The following PARD6G variants were observed in gnomAD, a reference collection of about 807,000 sequenced individuals.
PARD6G encodes partitioning defective 6 homolog gamma.
Under a neutral mutation model 10.7 loss-of-function variants are expected in PARD6G, and 7 were observed. The ratio of observed to expected loss-of-function variants is 0.66; its 90% CI spans 0.37 to 1.23. PARD6G has a LOEUF of 1.23. PARD6G is among the 50% of genes most tolerant of loss of function. PARD6G has a pLI of 0.02. For synonymous variants in PARD6G, 287 were observed against 269.4 expected, an observed-to-expected ratio of 1.07 and a Z score of -0.64; for missense variants, 548 against 571.8, an observed-to-expected ratio of 0.96 and a Z score of 0.42.
chr18:80,185,862 T>TCGCA (rs2052872334), intron 2 of PARD6G, among the ~76,000 whole-genome samples: 1 of 80,866 alleles, frequency 1.2e-5, no homozygotes, highest in Non-Finnish European at 2.4e-5. Flanking sequence ...AGGCACCCTC[T>TCGCA]CGCATATACT....
intron 1 of PARD6G, among the ~76,000 whole-genome samples, chr18:80,206,155 G>A (rs1227967510): frequency 6.6e-6 from 1 of 152,144 alleles, no homozygotes; most frequent in African/African-American, 2.4e-5. Context: ...AATAAATTCA[G>A]ACTGTTTCCT....
At chr18:80,187,564 CA>C (rs2052886799) in intron 2 of PARD6G, among the ~76,000 whole-genome samples, 1 of 152,174 alleles carries the variant, frequency 6.6e-6, no homozygotes, top group African/African-American at 2.4e-5. Flanking sequence ...TCACGAGGAA[CA>C]AAGGACACCC....
chr18:80,189,041 T>A lies in PARD6G; in HGVS notation c.295+13669A>T, dbSNP rs753918863. On this transcript the variant is annotated intron_variant, in intron 2 of 2. Transcript: ENST00000353265. The surrounding 1 kb of genome is among the most constrained non-coding windows in gnomAD (Gnocchi z 5.5). Reference sequence around the variant, plus strand: ...GGGCAGAGAACCCAGTTCTAGGGGCTGCCCACGTGTCACTTCCACCCCAGA... The same window carrying A: ...GGGCAGAGAACCCAGTTCTAGGGGCAGCCCACGTGTCACTTCCACCCCAGA... 3.5e-4 allele frequency among the ~76,000 whole-genome samples: 54 copies of A among 152,230 alleles called. No individual in the cohort carries two copies. The highest frequency in any genetic ancestry group is 7.2e-4 in the Non-Finnish European group (49 of 68,042).
chr18:80,172,144 C>T (rs1159430025), intron 2 of PARD6G, among the ~76,000 whole-genome samples: 1 of 152,138 alleles, frequency 6.6e-6, no homozygotes, highest in Admixed American at 6.5e-5. Flanking sequence ...TTTTCTATTC[C>T]CCCCAGCAGT....
At chr18:80,173,830 C>T (rs2145254739) in intron 2 of PARD6G, among the ~76,000 whole-genome samples, 1 of 152,302 alleles carries the variant, frequency 6.6e-6, no homozygotes, top group South Asian at 2.1e-4. Context: ...GGAGCTGCTC[C>T]CCAGCAAGTT....
In PARD6G at chr18:80,191,037, C is replaced by A. The variant is rs143337030; in HGVS notation, c.295+11673G>T. 1.8e-4 allele frequency among the ~76,000 whole-genome samples: 27 copies of A among 152,334 alleles called. No individual in the cohort carries two copies. The East Asian group carries it at 4.8e-3, about 27-fold the overall frequency. ...TCATCCAACGGTAAAACAACTGTGG[C>A]AGGGCCAGCGTGTGAGAATTCACTG... On this transcript the variant is annotated intron_variant, in intron 2 of 2. Transcript: ENST00000353265.
intron 2 of PARD6G, among the ~76,000 whole-genome samples, chr18:80,193,358 A>G (rs1966917079): frequency 6.6e-6 from 1 of 152,176 alleles, no homozygotes; most frequent in African/African-American, 2.4e-5. Context: ...AAAAAGTGTA[A>G]TCCCTCACCC....
rs542881641 is a variant in PARD6G, at chr18:80,199,134, G to C, written c.295+3576C>G. The stretch of plus-strand genomic sequence containing the variant: ...TAGTTTGTTCTCTAAAGTTGACATG[G>C]TCACTGAATTACTGAGCATAGAACC... On this transcript the variant is annotated intron_variant, in intron 2 of 2. Transcript: ENST00000353265. 1.1e-4 allele frequency among the ~76,000 whole-genome samples: 16 copies of C among 152,316 alleles called. No homozygotes were observed. The East Asian group carries it at 2.7e-3, about 26-fold the overall frequency.
At chr18:80,195,035 C>T in intron 2 of PARD6G, among the ~76,000 whole-genome samples, 1 of 3,930 alleles carries the variant, frequency 2.5e-4, no homozygotes, top group East Asian at 0.019. Flanking sequence ...CAGCCAGAGT[C>T]CCACCTTGGA....
intron 2 of PARD6G, among the ~76,000 whole-genome samples, chr18:80,174,583 C>T (rs1294600151): frequency 6.6e-6 from 1 of 152,220 alleles, no homozygotes; most frequent in East Asian, 1.9e-4. Context: ...ACAGCATTAT[C>T]CAGGAGCTCC....
intron 2 of PARD6G, among the ~76,000 whole-genome samples, chr18:80,178,790 C>T (rs773791773): frequency 6.6e-6 from 1 of 151,556 alleles, no homozygotes. Flanking sequence ...GGACACATGC[C>T]GACAGCATGG....
intron 1 of PARD6G, among the ~76,000 whole-genome samples, chr18:80,242,010 C>G (rs1967495050): frequency 6.6e-6 from 1 of 152,168 alleles, no homozygotes; most frequent in Non-Finnish European, 1.5e-5. Flanking sequence ...TTAGGGCCTT[C>G]TATCTGAAAT....
At position 80,179,698 on chromosome 18, in the gene PARD6G, G is replaced by A. The variant is rs542544406; in HGVS notation, c.296-19092C>T. On this transcript the variant is annotated intron_variant, in intron 2 of 2. Coordinates refer to ENST00000353265, the MANE Select transcript of PARD6G (RefSeq NM_032510.4). The stretch of plus-strand genomic sequence containing the variant: ...CCACTGCCTGTGCCTTCCGGGCAGC[G>A]ACTGCACCTCCTCCTCAGTTAACAA... Among the ~76,000 whole-genome samples, 212 of 152,354 alleles carry A rather than the reference G, an allele frequency of 1.4e-3. 3 individuals carry two copies. The highest frequency in any genetic ancestry group is 4.7e-3 in the African/African-American group (195 of 41,580).
At chr18:80,206,670 A>G (rs989128557) in intron 1 of PARD6G, among the ~76,000 whole-genome samples, 3 of 152,246 alleles carry the variant, frequency 2.0e-5, no homozygotes, top group African/African-American at 4.8e-5. Context: ...ACTCTCATCT[A>G]CCTGAGTGTG....
At position 80,160,093 on chromosome 18, in the gene PARD6G, G is replaced by C; in HGVS notation, c.809C>G (p.Ser270Trp). 6.2e-7 allele frequency: 1 copy of C among 1,601,778 alleles called. No individual in the cohort carries two copies. The highest frequency in any genetic ancestry group is 8.5e-7 in the Non-Finnish European group (1 of 1,174,664). ...GRALGSSGPP[S>W]DGTAGFVGPP... is the part of the protein sequence containing the mutation. ...ACCCACGAAGCCCGCGGTGCCGTCC[G>C]AGGGCGGTCCCGAGCTGCCCAACGC... Residue 270 changes from serine to tryptophan, a missense_variant, in exon 3 of 3, where the codon TCG becomes TGG. Coordinates refer to ENST00000353265, the MANE Select transcript of PARD6G (RefSeq NM_032510.4).
chr18:80,184,544 A>AAACCCTCAGAGGGAGCAAGGCC lies in PARD6G; in HGVS notation c.295+18165_295+18166insGGCCTTGCTCCCTCTGAGGGTT, dbSNP rs1568431460. 1.4e-5 allele frequency: 2 copies of AAACCCTCAGAGGGAGCAAGGCC among 146,700 alleles called. No homozygotes were observed. The highest frequency in any genetic ancestry group is 3.0e-5 in the Non-Finnish European group (2 of 65,704). The allele number at this position is 146,700 out of a possible 1,614,324, so 9.1% of individuals were successfully genotyped here. A position where few individuals can be genotyped will look rare whatever the true frequency, so the allele number is the denominator to read the frequency against. On this transcript the variant is annotated intron_variant, in intron 2 of 2. Coordinates refer to ENST00000353265, the MANE Select transcript of PARD6G (RefSeq NM_032510.4). The surrounding 1 kb of genome is among the most constrained non-coding windows in gnomAD (Gnocchi z 4.5). Reference sequence around the variant, plus strand: ...GTGAAACCCGCAGCGGGAGCAAGGCAGTGAAACCCTCAGAGGGAGCAAGGC... The same window carrying AAACCCTCAGAGGGAGCAAGGCC: ...GTGAAACCCGCAGCGGGAGCAAGGCAAACCCTCAGAGGGAGCAAGGCCGTGAAACCCTCAGAGGGAGCAAGGC...
intron 2 of PARD6G, among the ~76,000 whole-genome samples, chr18:80,196,747 C>A (rs1243240378): frequency 6.6e-6 from 1 of 152,080 alleles, no homozygotes; most frequent in South Asian, 2.1e-4. Flanking sequence ...TGGAGGGGGG[C>A]CTCTGGCTCT....
At chr18:80,168,569 ATGTTTGTG>A (rs1261543070) in intron 2 of PARD6G, among the ~76,000 whole-genome samples, 7 of 118,698 alleles carry the variant, frequency 5.9e-5, no homozygotes, top group African/African-American at 2.1e-4. Context: ...CAGTCAAATT[ATGTTTGTG>A]TGTGTGTGTG....
intron 2 of PARD6G, among the ~76,000 whole-genome samples, chr18:80,167,221 G>C (rs1020983832): frequency 5.9e-5 from 9 of 151,686 alleles, no homozygotes; most frequent in African/African-American, 1.9e-4. Context: ...GCAGTGTTGT[G>C]TGTGGACCTG....
Sources: gnomAD v4.1 joint callset for allele counts (sites outside exome capture counted in the v4.1 genomes callset) on GRCh38, gnomAD v4.1.1 for gene constraint, Gnocchi (gnomAD v3.1) non-coding constraint, MANE v1.5 for transcripts, NCBI Gene and HGNC (gene_info 2026-07-23, HGNC 2026-07-21) for gene names.